The following SCFD2 variants were observed in gnomAD, a reference collection of about 807,000 sequenced individuals.
SCFD2 encodes the protein sec1 family domain-containing protein 2.
In SCFD2, 54 loss-of-function variants were observed where a neutral mutation model predicts 58.9. That is an observed-to-expected ratio of 0.92 (90% CI 0.74 to 1.15). The LOEUF is 1.15. Among genes scored for constraint, SCFD2 ranks in the 50% most tolerant of loss-of-function variants. The probability of loss-of-function intolerance (pLI) is 0.00; values close to 1 mark genes in which losing one functional copy is unlikely to be tolerated. For missense variants in SCFD2, 805 were observed against 836.6 expected (o/e 0.96, Z 0.47); for synonymous variants, 321 against 335.9 (o/e 0.96, Z 0.49).
intron 4 of SCFD2, among the ~76,000 whole-genome samples, chr4:53,215,153 T>C (rs1223702983): frequency 5.3e-5 from 8 of 152,224 alleles, no homozygotes; most frequent in Admixed American, 2.6e-4. Context: ...TTTGGTTCCA[T>C]ATGAACTTTA....
At chr4:52,899,907 C>G (rs1292711000) in intron 7 of SCFD2, among the ~76,000 whole-genome samples, 5 of 152,192 alleles carry the variant, frequency 3.3e-5, no homozygotes, top group Non-Finnish European at 7.3e-5. Flanking sequence ...ATTTCATCTT[C>G]CATCGCTGAT....
At chr4:53,246,234 AG>A (rs1370618210) in intron 4 of SCFD2, among the ~76,000 whole-genome samples, 3 of 152,246 alleles carry the variant, frequency 2.0e-5, no homozygotes, top group African/African-American at 7.2e-5. Context: ...GCTCATGGAT[AG>A]GAAGAATCAG....
chr4:53,312,330 A>C (rs1266525826), intron 3 of SCFD2, among the ~76,000 whole-genome samples: 1 of 152,212 alleles, frequency 6.6e-6, no homozygotes, highest in East Asian at 1.9e-4. Flanking sequence ...CGTGGCATCA[A>C]AATTCTTGGA....
At chr4:52,992,955 G>GGGGGAAATGTGGGGAAAAGATAGAGAAA (rs1721656236) in intron 5 of SCFD2, among the ~76,000 whole-genome samples, 1 of 151,984 alleles carries the variant, frequency 6.6e-6, no homozygotes, top group Non-Finnish European at 1.5e-5. Flanking sequence ...GAATAGAAAA[G>GGGGGAAATGTGGGGAAAAGATAGAGAAA]GGGGAAATGT....
At chr4:52,886,871 GACA>G (rs1718752418) in intron 7 of SCFD2, among the ~76,000 whole-genome samples, 1 of 152,240 alleles carries the variant, frequency 6.6e-6, no homozygotes, top group South Asian at 2.1e-4. Context: ...AAGGCTGAGG[GACA>G]ACTTCTTTCT....
At chr4:53,336,632 C>T (rs1052147877) in intron 2 of SCFD2, among the ~76,000 whole-genome samples, 3 of 152,110 alleles carry the variant, frequency 2.0e-5, no homozygotes, top group African/African-American at 7.2e-5. Flanking sequence ...TCAAACAATC[C>T]TCCCACCTTA....
chr4:53,229,696 A>C (rs1408044812), intron 4 of SCFD2, among the ~76,000 whole-genome samples: 1 of 152,242 alleles, frequency 6.6e-6, no homozygotes, highest in Admixed American at 6.5e-5. Context: ...AATACCATTC[A>C]GGACATAGGC....
chr4:53,063,277 T>C (rs10517276), intron 5 of SCFD2, among the ~76,000 whole-genome samples: 29,091 of 152,124 alleles, frequency 0.19, 3,378 homozygotes, highest in Non-Finnish European at 0.26. Flanking sequence ...CATGTAAAAC[T>C]GGGTAATCAA....
chr4:52,876,150 T>C (rs1718468941), intron 8 of SCFD2, among the ~76,000 whole-genome samples: 1 of 3,062 alleles, frequency 3.3e-4, no homozygotes, highest in South Asian at 0.1. Flanking sequence ...ACTGGCCAGA[T>C]GCCTCCAGAA....
intron 4 of SCFD2, among the ~76,000 whole-genome samples, chr4:53,160,723 C>T (rs1291500534): frequency 6.6e-6 from 1 of 152,080 alleles, no homozygotes; most frequent in Non-Finnish European, 1.5e-5. Context: ...TAGAAGAATG[C>T]ACCAAGAAAA....
intron 7 of SCFD2, among the ~76,000 whole-genome samples, chr4:52,902,461 G>T (rs1441944259): frequency 2.0e-5 from 3 of 152,142 alleles, no homozygotes; most frequent in Admixed American, 6.5e-5. Context: ...CTTCTTCTTT[G>T]GGGGGCAGTG....
At chr4:53,169,566 A>G (rs549321045) in intron 4 of SCFD2, among the ~76,000 whole-genome samples, 8 of 152,156 alleles carry the variant, frequency 5.3e-5, no homozygotes, top group Middle Eastern at 3.4e-3. Flanking sequence ...TATATACCCA[A>G]AGTGGTATTG....
At chr4:53,268,068 A>G (rs6554085) in intron 4 of SCFD2, among the ~76,000 whole-genome samples, 148,620 of 152,168 alleles carry the variant, frequency 0.98, 72,684 homozygotes, top group Middle Eastern at 1. Context: ...GTAGGGCAGG[A>G]GGAATGAAGG....
At chr4:52,896,572 T>C (rs973483361) in intron 7 of SCFD2, among the ~76,000 whole-genome samples, 4 of 152,214 alleles carry the variant, frequency 2.6e-5, no homozygotes, top group Non-Finnish European at 5.9e-5. Context: ...AGCCTTGTAG[T>C]ATAGTTTGAA....
In SCFD2 at chr4:53,313,639, T is replaced by C. The variant is rs1455900834; in HGVS notation, c.1132A>G (p.Met378Val). The change falls in exon 3 of 9, where the codon ATG becomes GTG. Residue 378 changes from methionine (M) to valine (V), a missense_variant. Met to Val is a conservative substitution (Grantham distance 21). Transcript: ENST00000401642. ...TGTGTCCTAGGTTTAGGCTTACCCA[T>C]ACTCATCTTGATTGGCAGGTTTTCT... ...SRENLPIKMS[M>V]GRVTPGQLMS... is the part of the protein sequence containing the mutation. 6.2e-7 allele frequency: 1 copy of C among 1,613,922 alleles called. No individual in the cohort carries two copies. The highest frequency in any genetic ancestry group is 2.2e-5 in the East Asian group (1 of 44,876).
At chr4:53,276,836 T>G (rs1474879616) in intron 3 of SCFD2, among the ~76,000 whole-genome samples, 1 of 152,234 alleles carries the variant, frequency 6.6e-6, no homozygotes, top group Non-Finnish European at 1.5e-5. Flanking sequence ...CACTTGGTTT[T>G]GTCAGCTATT....
intron 4 of SCFD2, among the ~76,000 whole-genome samples, chr4:53,216,535 C>CT (rs1268701777): frequency 6.6e-6 from 1 of 152,118 alleles, no homozygotes; most frequent in African/African-American, 2.4e-5. Context: ...ATTCTTCTCT[C>CT]TTTTTTTCTT....
At chr4:52,968,623 C>A (rs1721019280) in intron 5 of SCFD2, among the ~76,000 whole-genome samples, 1 of 152,168 alleles carries the variant, frequency 6.6e-6, no homozygotes, top group Non-Finnish European at 1.5e-5. Flanking sequence ...AAGAACCTAG[C>A]CACAGGGAAG....
At chr4:52,875,224 C>A (rs906043656) in intron 8 of SCFD2, among the ~76,000 whole-genome samples, 1 of 152,142 alleles carries the variant, frequency 6.6e-6, no homozygotes, top group African/African-American at 2.4e-5. Context: ...CACCTTTGGG[C>A]TCCTCTGGCT....
Sources: gnomAD v4.1 joint callset for allele counts (sites outside exome capture counted in the v4.1 genomes callset) on GRCh38, gnomAD v4.1.1 for gene constraint, MANE v1.5 for transcripts, NCBI Gene and HGNC (gene_info 2026-07-23, HGNC 2026-07-21) for gene names.